Variants in IL16 observed in about 807,000 individuals in gnomAD.
IL16 encodes the protein pro-interleukin-16.
Under a neutral mutation model 110.1 loss-of-function variants are expected in IL16, and 67 were observed. The observed-to-expected ratio is 0.61, with a 90% CI of 0.50 to 0.75. The LOEUF (loss-of-function observed/expected upper bound fraction) is 0.75, where lower values mean the gene tolerates loss of function less well. Among genes scored for constraint, IL16 ranks in the 30% least tolerant of loss-of-function variants. IL16 has a pLI of 0.00. For synonymous variants in IL16, 689 were observed against 662.9 expected, an observed-to-expected ratio of 1.04 and a Z score of -0.61; for missense variants, 1,545 against 1,655.0, an observed-to-expected ratio of 0.93 and a Z score of 1.15.
At chr15:81,197,775 G>A (rs1335949762) in intron 1 of IL16, among the ~76,000 whole-genome samples, 2 of 151,988 alleles carry the variant, frequency 1.3e-5, no homozygotes, top group African/African-American at 4.8e-5. Context: ...TTCTGTAGCT[G>A]GAGAATGAGG....
chr15:81,270,086 G>A (rs1898565586), intron 5 of IL16, among the ~76,000 whole-genome samples: 1 of 152,184 alleles, frequency 6.6e-6, no homozygotes, highest in African/African-American at 2.4e-5. Context: ...CTACATGTGG[G>A]AAATTCAATG....
At chr15:81,277,852 G>T (rs944207867) in intron 6 of IL16, among the ~76,000 whole-genome samples, 1 of 152,148 alleles carries the variant, frequency 6.6e-6, no homozygotes, top group African/African-American at 2.4e-5. Flanking sequence ...TATCTGAGTT[G>T]CTTGGTGCAA....
Position 81,273,081 on chromosome 15 carries a change from T to C in IL16, c.676-9T>C. The C allele has an allele frequency of 1.9e-6, 3 of 1,608,934 alleles. No homozygotes were observed. In the Middle Eastern group the frequency reaches 5.0e-4, roughly 266 times the overall value. ...ACCCCTAAATCAGACCTTCTCTTTT[T>C]TTCCCCAGGGTCTGGGCTTCAGCAT... is the stretch of plus-strand genomic sequence containing the variant. On this transcript the variant is annotated splice_polypyrimidine_tract_variant and intron_variant, in intron 5 of 18. Transcript: ENST00000683961.
chr15:81,199,062 A>T (rs1024359618), intron 1 of IL16, among the ~76,000 whole-genome samples: 8 of 143,286 alleles, frequency 5.6e-5, no homozygotes, highest in South Asian at 2.2e-4. Context: ...TATATATATA[A>T]AATACATATT....
chr15:81,268,541 C>A (rs1207990491), intron 4 of IL16, among the ~76,000 whole-genome samples: 1 of 152,244 alleles, frequency 6.6e-6, no homozygotes, highest in Non-Finnish European at 1.5e-5. Flanking sequence ...ACAGCATGGG[C>A]CTGGGAGTCA....
intron 2 of IL16, among the ~76,000 whole-genome samples, chr15:81,231,024 C>A (rs903400785): frequency 6.6e-6 from 1 of 151,918 alleles, no homozygotes; most frequent in African/African-American, 2.4e-5. Flanking sequence ...AGAAGTCAAA[C>A]CTGGCCCCAG....
chr15:81,204,250 C>G (rs1895927926), intron 1 of IL16, among the ~76,000 whole-genome samples: 1 of 152,012 alleles, frequency 6.6e-6, no homozygotes, highest in African/African-American at 2.4e-5. Context: ...TCTAGATATA[C>G]AATCATGTCA....
chr15:81,208,630 C>T (rs1338723138), intron 1 of IL16, among the ~76,000 whole-genome samples: 1 of 152,226 alleles, frequency 6.6e-6, no homozygotes, highest in Non-Finnish European at 1.5e-5. Flanking sequence ...ACACCTGGTC[C>T]ATATTTTGGT....
Position 81,265,916 on chromosome 15 carries a change from A to G in IL16, c.564+115A>G, listed in dbSNP as rs1010040675. 26 of 947,798 alleles carry G rather than the reference A, an allele frequency of 2.7e-5. No individual in the cohort carries two copies. In the African/African-American group the frequency reaches 3.8e-4, roughly 14 times the overall value. The allele number at this position is 947,798 out of a possible 1,614,324, so 58.7% of individuals were successfully genotyped here. On this transcript the variant is annotated intron_variant, in intron 4 of 18. Transcript: ENST00000683961. ...CAGTAGTTTTTTTGTCCGCAGAACT[A>G]CAGAGGAGAGGGTCTCGCTTAGTAG...
intron 1 of IL16, among the ~76,000 whole-genome samples, chr15:81,220,848 C>T (rs1896591460): frequency 6.6e-6 from 1 of 151,448 alleles, no homozygotes; most frequent in African/African-American, 2.4e-5. Context: ...AAGGGAGGGA[C>T]AGACTAACAG....
At chr15:81,207,424 G>A (rs777413764) in intron 1 of IL16, among the ~76,000 whole-genome samples, 3 of 151,990 alleles carry the variant, frequency 2.0e-5, no homozygotes, top group Non-Finnish European at 2.9e-5. Context: ...TTTAGATACA[G>A]GGGATACATA....
At chr15:81,235,012 C>T (rs539516846) in intron 2 of IL16, among the ~76,000 whole-genome samples, 56 of 152,278 alleles carry the variant, frequency 3.7e-4, no homozygotes, top group African/African-American at 1.1e-3. Context: ...ACTCTCAGCA[C>T]TGTTCATCAC....
chr15:81,182,835 T>C (rs1895364031), exon 1 of IL16: 1 of 1,288,048 alleles, frequency 7.8e-7, no homozygotes, highest in Non-Finnish European at 1.0e-6. Flanking sequence ...CAGCTCTCTC[T>C]CCCTCCCTCA....
intron 4 of IL16, among the ~76,000 whole-genome samples, chr15:81,268,398 A>G (rs1898488454): frequency 6.6e-6 from 1 of 152,254 alleles, no homozygotes. Flanking sequence ...CACCTTTGAC[A>G]GATACAGAGG....
chr15:81,287,970 A>G (rs866745205), intron 10 of IL16, among the ~76,000 whole-genome samples: 3 of 152,352 alleles, frequency 2.0e-5, no homozygotes, highest in South Asian at 2.1e-4. Context: ...AAATCAGTGG[A>G]GTAGGGCGTC....
At chr15:81,295,223 CTG>C in intron 12 of IL16, 1 of 248,554 alleles carries the variant, frequency 4.0e-6, no homozygotes, top group African/African-American at 2.3e-5. Context: ...TATGCTGAAT[CTG>C]CTCTCTCCCT....
chr15:81,244,935 C>A (rs1243228997), intron 2 of IL16, among the ~76,000 whole-genome samples: 1 of 152,066 alleles, frequency 6.6e-6, no homozygotes, highest in Non-Finnish European at 1.5e-5. Context: ...TGATTCTTTC[C>A]TCTGTCCCCT....
At chr15:81,194,407 T>A (rs1475639444), upstream of IL16, among the ~76,000 whole-genome samples, 4 of 152,004 alleles carry the variant, frequency 2.6e-5, no homozygotes, top group Middle Eastern at 3.4e-3. Context: ...AATTTTGAAA[T>A]TAAAAATTTT....
intron 9 of IL16, among the ~76,000 whole-genome samples, chr15:81,284,787 T>G (rs903809499): frequency 6.6e-6 from 1 of 152,184 alleles, no homozygotes; most frequent in Non-Finnish European, 1.5e-5. Flanking sequence ...TTTAATAAAA[T>G]TATATTGGAA....
Sources: allele counts gnomAD v4.1 joint callset (sites outside exome capture counted in the v4.1 genomes callset), GRCh38; gene constraint gnomAD v4.1.1; transcripts MANE v1.5; gene names NCBI Gene and HGNC (gene_info 2026-07-23, HGNC 2026-07-21).